Variants in SPRR2G observed in about 807,000 individuals in gnomAD.
SPRR2G encodes small proline-rich protein 2G.
In SPRR2G, 1 loss-of-function variant was observed where a neutral mutation model predicts 0.7. The ratio of observed to expected loss-of-function variants is 1.49; its 90% confidence interval spans 0.53 to 7.06. SPRR2G has a LOEUF of 7.06. Ranked by LOEUF, SPRR2G falls within the 30% of genes most tolerant of loss-of-function variation. The pLI, the probability that SPRR2G is intolerant of heterozygous loss-of-function variation, is 0.14. For synonymous variants in SPRR2G, 38 were observed against 33.9 expected (o/e 1.12, Z -0.42); for missense variants, 96 against 88.5 (o/e 1.09, Z -0.34).
At chr1:153,177,705 T>G in the SPRR2G span, among the ~76,000 whole-genome samples, 1 of 152,186 alleles carries the variant, frequency 6.6e-6, no homozygotes, top group Non-Finnish European at 1.5e-5. Context: ...TATATGTGTA[T>G]TCATACACCA....
the SPRR2G span, among the ~76,000 whole-genome samples, chr1:153,189,693 G>T: frequency 1.3e-5 from 2 of 152,126 alleles, no homozygotes; most frequent in African/African-American, 4.8e-5. Flanking sequence ...ACATAAGATG[G>T]GCCATGACAA....
the SPRR2G span, among the ~76,000 whole-genome samples, chr1:153,169,253 C>A: frequency 6.6e-6 from 1 of 152,072 alleles, no homozygotes; most frequent in African/African-American, 2.4e-5. Flanking sequence ...AGTAGACCGA[C>A]GTTCCTTCCT....
intron 1 of SPRR2G, 26 bp from the exon 2 acceptor site, chr1:153,150,157 T>C (rs1227145747): frequency 6.2e-7 from 1 of 1,607,836 alleles, no homozygotes; most frequent in East Asian, 2.2e-5. Context: ...GAAACAGTGC[T>C]CATAAGAGAG....
the SPRR2G span, among the ~76,000 whole-genome samples, chr1:153,194,011 G>C: frequency 3.3e-3 from 502 of 152,162 alleles, 4 homozygotes; most frequent in African/African-American, 0.012. Flanking sequence ...GATTCTCTTC[G>C]ACCTGAGCTG....
the SPRR2G span, chr1:153,176,078 T>C: frequency 1.3e-5 from 2 of 151,280 alleles, no homozygotes; most frequent in Admixed American, 6.6e-5. Context: ...TGTTGAATGG[T>C]TTTTACAGTC....
the SPRR2G span, among the ~76,000 whole-genome samples, chr1:153,163,812 A>G: frequency 6.6e-6 from 1 of 152,128 alleles, no homozygotes; most frequent in African/African-American, 2.4e-5. Context: ...TTCGACCTAG[A>G]TTATCACAGC....
At chr1:153,199,800 A>C in the SPRR2G span, among the ~76,000 whole-genome samples, 1 of 152,146 alleles carries the variant, frequency 6.6e-6, no homozygotes, top group South Asian at 2.1e-4. Flanking sequence ...CTAAAAGTCA[A>C]GGGCATCTGC....
At chr1:153,168,189 G>T in the SPRR2G span, among the ~76,000 whole-genome samples, 6 of 152,172 alleles carry the variant, frequency 3.9e-5, no homozygotes, top group African/African-American at 1.4e-4. Context: ...AGCACCATCA[G>T]TTCTGGAAAC....
chr1:153,188,349 T>A, the SPRR2G span, among the ~76,000 whole-genome samples: 1 of 152,092 alleles, frequency 6.6e-6, no homozygotes, highest in Non-Finnish European at 1.5e-5. Flanking sequence ...AGATGGGAGT[T>A]TTATTTATAA....
chr1:153,195,963 G>A, the SPRR2G span, among the ~76,000 whole-genome samples: 1 of 152,172 alleles, frequency 6.6e-6, no homozygotes, highest in African/African-American at 2.4e-5. Flanking sequence ...CCAGAAAACA[G>A]CAGGAATTAG....
the SPRR2G span, chr1:153,190,656 C>T: frequency 6.6e-6 from 1 of 152,154 alleles, no homozygotes; most frequent in East Asian, 1.9e-4. Context: ...ACTTCATTAA[C>T]GTTTCTAGGA....
the SPRR2G span, among the ~76,000 whole-genome samples, chr1:153,160,328 T>C: frequency 3.3e-5 from 5 of 152,364 alleles, no homozygotes; most frequent in South Asian, 1.0e-3. Context: ...ATTTAGATTG[T>C]TTCCATATCT....
the SPRR2G span, among the ~76,000 whole-genome samples, chr1:153,175,882 C>T: frequency 6.6e-6 from 1 of 152,080 alleles, no homozygotes; most frequent in Non-Finnish European, 1.5e-5. Context: ...GGCGGTGAAA[C>T]TCCGTCTCTA....
the SPRR2G span, among the ~76,000 whole-genome samples, chr1:153,189,055 G>A: frequency 0.083 from 12,674 of 152,222 alleles, 575 homozygotes; most frequent in African/African-American, 0.13. Context: ...TGCCTTCTGC[G>A]TTGGTCTTGC....
chr1:153,153,767 T>C (rs563378521), upstream of SPRR2G, among the ~76,000 whole-genome samples: 2 of 152,146 alleles, frequency 1.3e-5, no homozygotes, highest in Non-Finnish European at 2.9e-5. Context: ...AATAAAATTA[T>C]TTCTATTTTA....
At chr1:153,162,703 A>G in the SPRR2G span, among the ~76,000 whole-genome samples, 66 of 152,214 alleles carry the variant, frequency 4.3e-4, no homozygotes, top group African/African-American at 1.5e-3. Context: ...TGGCCTGACC[A>G]CCTCAGACTT....
the SPRR2G span, among the ~76,000 whole-genome samples, chr1:153,184,720 G>C: frequency 2.0e-5 from 3 of 152,114 alleles, no homozygotes; most frequent in Admixed American, 2.0e-4. Flanking sequence ...GATTGCCCTG[G>C]CCAGAACTTC....
At chr1:153,195,186 C>T in the SPRR2G span, among the ~76,000 whole-genome samples, 1 of 152,158 alleles carries the variant, frequency 6.6e-6, no homozygotes, top group South Asian at 2.1e-4. Context: ...TCTGAAGCCT[C>T]CCTTCCCCGC....
chr1:153,188,720 A>G, the SPRR2G span, among the ~76,000 whole-genome samples: 1 of 152,102 alleles, frequency 6.6e-6, no homozygotes, highest in Non-Finnish European at 1.5e-5. Flanking sequence ...CCACTGGTGT[A>G]TGAAAAAAAA....
Sources: gnomAD v4.1 joint callset for allele counts (sites outside exome capture counted in the v4.1 genomes callset) on GRCh38, gnomAD v4.1.1 for gene constraint, MANE v1.5 for transcripts, NCBI Gene and HGNC (gene_info 2026-07-23, HGNC 2026-07-21) for gene names.